Variants in SRF observed in about 807,000 individuals in gnomAD.
SRF encodes the protein serum response factor, also known as c-fos serum response element-binding transcription factor.
A neutral mutation model predicts 37.1 loss-of-function variants in SRF; 7 were observed. The observed-to-expected ratio is 0.19, with a 90% CI of 0.11 to 0.35. SRF has a LOEUF of 0.35. SRF is among the 10% of genes least tolerant of loss of function. The pLI is 1.00. For synonymous variants in SRF, 285 were observed against 310.1 expected, an observed-to-expected ratio of 0.92 and a Z score of 0.85; for missense variants, 395 against 694.4, an observed-to-expected ratio of 0.57 and a Z score of 4.85.
At position 43,179,626 on chromosome 6, in the gene SRF, C is replaced by T. The variant is rs1403150039; in HGVS notation, c.*436C>T. The T allele has an allele frequency of 4.8e-6, 1 of 206,286 alleles. No individual in the cohort carries two copies. Among genetic ancestry groups the T allele is most frequent in the Non-Finnish European group, 1.0e-5 (1 of 99,378 alleles). 12.8% of individuals were successfully genotyped at this position (206,286 alleles called of 1,614,324 possible). On this transcript the variant is annotated 3_prime_UTR_variant, in exon 7 of 7. Coordinates refer to ENST00000265354, the MANE Select transcript of SRF (RefSeq NM_003131.4). This position sits in a 1 kb window ranked among gnomAD's most constrained non-coding sequence, Gnocchi z 5.3. ...GACCCCAGGTCAGCCCTGTGTCTGT[C>T]ACAGGCTGGGTCAAAAGAGCCCTGG...
In SRF at chr6:43,172,206, G is replaced by T. The variant is rs1027703883; in HGVS notation, c.513+37G>T. 3.1e-6 allele frequency: 5 copies of T among 1,590,380 alleles called. No homozygotes were observed. Among genetic ancestry groups the T allele is most frequent in the Admixed American group, 1.8e-5 (1 of 56,564 alleles). ...GGGGGCTGGCCGGCCCCGGGGCCCGGTTGGGGTGGGGATGTGCAAAGGGAG... is the reference window on the plus strand; with the variant it reads ...GGGGGCTGGCCGGCCCCGGGGCCCGTTTGGGGTGGGGATGTGCAAAGGGAG... On this transcript the variant is annotated intron_variant, in intron 1 of 6. Coordinates refer to ENST00000265354, the MANE Select transcript of SRF (RefSeq NM_003131.4). The surrounding 1 kb of genome is among the most constrained non-coding windows in gnomAD (Gnocchi z 5.7).
At chr6:43,177,431 C>G (rs1204141179) in intron 4 of SRF, among the ~76,000 whole-genome samples, 20 of 151,226 alleles carry the variant, frequency 1.3e-4, no homozygotes, top group African/African-American at 4.9e-4. Context: ...GGGGTTTCAC[C>G]TTGTTAGCCA....
At chr6:43,174,719 T>C (rs1561999991) in intron 2 of SRF, among the ~76,000 whole-genome samples, 2 of 152,236 alleles carry the variant, frequency 1.3e-5, no homozygotes, top group South Asian at 2.1e-4. Flanking sequence ...GGCACTTAAC[T>C]GACTGGCCAA....
rs373298629 is a variant in SRF, at chr6:43,175,982, G to A, written c.1042+15G>A. 343 of 1,605,946 alleles carry A rather than the reference G, an allele frequency of 2.1e-4. 1 individual carries two copies. Among genetic ancestry groups the A allele is most frequent in the Admixed American group, 2.7e-4 (16 of 59,916 alleles). On this transcript the variant is annotated intron_variant, in intron 3 of 6. Coordinates refer to ENST00000265354, the MANE Select transcript of SRF (RefSeq NM_003131.4). The stretch of plus-strand genomic sequence containing the variant: ...CCTCATGCCTGGTGAGTCACGAGGG[G>A]CAGGGAGAGATTCGTCCTTCCTGGG...
At position 43,173,752 on chromosome 6, in the gene SRF, G is replaced by T. The variant is rs1484609496; in HGVS notation, c.514-95G>T. The T allele has an allele frequency of 6.8e-7, 1 of 1,473,902 alleles. No homozygotes were observed. Among genetic ancestry groups the T allele is most frequent in the Non-Finnish European group, 9.1e-7 (1 of 1,093,528 alleles). 91.3% of individuals were successfully genotyped at this position (1,473,902 alleles called of 1,614,324 possible). Reference sequence around the variant, plus strand: ...AGACGAAGGTCATTATGGGAATGGGGGAATGACATCACTGTATAATTCTTT... The same window carrying T: ...AGACGAAGGTCATTATGGGAATGGGTGAATGACATCACTGTATAATTCTTT... On this transcript the variant is annotated intron_variant, in intron 1 of 6. Transcript: ENST00000265354. The surrounding 1 kb of genome is among the most constrained non-coding windows in gnomAD (Gnocchi z 4.2).
Position 43,171,872 on chromosome 6 carries a change from G to C in SRF, c.216G>C (p.Ala72=). 1 of 1,340,186 alleles carries C rather than the reference G, an allele frequency of 7.5e-7. No homozygotes were observed. The highest frequency in any genetic ancestry group is 9.5e-7 in the Non-Finnish European group (1 of 1,048,268). The allele number at this position is 1,340,186 out of a possible 1,614,324, so 83.0% of individuals were successfully genotyped here. A position where few individuals can be genotyped will look rare whatever the true frequency, so the allele number is the denominator to read the frequency against. ...AAAATTPAPT[A]GALYSGSEGD... is the part of the protein sequence containing the mutation. ...CGGCAACCACCCCGGCGCCCACCGC[G>C]GGGGCCCTCTACAGCGGCAGCGAGG... is the stretch of plus-strand genomic sequence containing the variant. Residue 72 remains alanine (A), a synonymous_variant, in exon 1 of 7, where the codon GCG becomes GCC. Coordinates refer to ENST00000265354, the MANE Select transcript of SRF (RefSeq NM_003131.4). The surrounding 1 kb of genome is among the most constrained non-coding windows in gnomAD (Gnocchi z 6.5).
rs1772151356 is a variant in SRF, at chr6:43,173,928, A to G, written c.595A>G (p.Thr199Ala). Residue 199 changes from threonine to alanine, a missense_variant, in exon 2 of 7, where the codon ACC (threonine) becomes GCC (alanine). By Grantham distance (58) the Thr-to-Ala change is moderately conservative (BLOSUM62 0). Transcript: ENST00000265354. The surrounding 1 kb of genome is among the most constrained non-coding windows in gnomAD (Gnocchi z 4.2). The stretch of plus-strand genomic sequence containing the variant: ...GACAGGCCATGTGTATACCTTTGCC[A>G]CCCGAAAACTGCAGCCCATGATCAC... The part of the protein sequence containing the change: ...SETGHVYTFA[T>A]RKLQPMITSE... 1 of 1,613,906 alleles carries G rather than the reference A, an allele frequency of 6.2e-7. No individual in the cohort carries two copies. The highest frequency in any genetic ancestry group is 8.5e-7 in the Non-Finnish European group (1 of 1,180,004).
Position 43,173,963 on chromosome 6 carries a change from C to T in SRF, c.630C>T (p.Thr210=), listed in dbSNP as rs778050935. ...RKLQPMITSE[T]GKALIQTCLN... ...TGCAGCCCATGATCACCAGTGAGAC[C>T]GGCAAGGCACTGATTCAGACCTGCC... Residue 210 remains threonine, a synonymous_variant, in exon 2 of 7, where the codon ACC becomes ACT. Coordinates refer to ENST00000265354, the MANE Select transcript of SRF (RefSeq NM_003131.4). The surrounding 1 kb of genome is among the most constrained non-coding windows in gnomAD (Gnocchi z 4.2). 6.8e-6 allele frequency: 11 copies of T among 1,613,994 alleles called. No homozygotes were observed. Among genetic ancestry groups the T allele is most frequent in the Admixed American group, 3.3e-5 (2 of 60,002 alleles).
chr6:43,175,463 C>T (rs1207623792), intron 2 of SRF, among the ~76,000 whole-genome samples: 1 of 152,226 alleles, frequency 6.6e-6, no homozygotes, highest in Non-Finnish European at 1.5e-5. Flanking sequence ...AAGTGATTTA[C>T]ATATGCTAAC....
Position 43,173,833 on chromosome 6 carries a change from T to C in SRF, c.514-14T>C, listed in dbSNP as rs763747728. The stretch of plus-strand genomic sequence containing the variant: ...AAGTTTGCTGACCTGCCCATCTCCC[T>C]CCTCACCCCTCAGGCCTATGAGCTG... On this transcript the variant is annotated splice_polypyrimidine_tract_variant and intron_variant, in intron 1 of 6. Transcript: ENST00000265354. The surrounding 1 kb of genome is among the most constrained non-coding windows in gnomAD (Gnocchi z 4.2). The C allele has an allele frequency of 3.1e-6, 5 of 1,608,406 alleles. No homozygotes were observed. The highest frequency in any genetic ancestry group is 2.2e-5 in the South Asian group (2 of 90,942).
Position 43,175,942 on chromosome 6 carries a change from G to A in SRF, c.1017G>A (p.Leu339=), listed in dbSNP as rs767967535. The part of the protein sequence containing the change: ...GPVSSGGLMQ[L]PTSFTLMPGG... ...TCTCCTCTGGGGGCCTTATGCAGCT[G>A]CCTACCAGCTTCACCCTCATGCCTG... Residue 339 remains leucine, a synonymous_variant, in exon 3 of 7, where the codon CTG becomes CTA. Coordinates refer to ENST00000265354, the MANE Select transcript of SRF (RefSeq NM_003131.4). 1.2e-6 allele frequency: 2 copies of A among 1,613,578 alleles called. No individual in the cohort carries two copies. Among genetic ancestry groups the A allele is most frequent in the Admixed American group, 1.7e-5 (1 of 60,022 alleles).
Position 43,176,623 on chromosome 6 carries a change from G to A in SRF, c.1118G>A (p.Arg373His), listed in dbSNP as rs547389520. 83 of 1,614,156 alleles carry A rather than the reference G, an allele frequency of 5.1e-5. No homozygotes were observed. In the South Asian group the frequency reaches 6.4e-4, roughly 12 times the overall value. The change falls in exon 4 of 7, where the codon CGT becomes CAT. Residue 373 changes from arginine (R) to histidine (H), a missense_variant. By Grantham distance (29) the Arg-to-His change is conservative. Coordinates refer to ENST00000265354, the MANE Select transcript of SRF (RefSeq NM_003131.4). This position sits in a 1 kb window ranked among gnomAD's most constrained non-coding sequence, Gnocchi z 4.0. Reference protein sequence around the residue: ...HQAPQQASPSRDSSTDLTQTS... With the variant: ...HQAPQQASPSHDSSTDLTQTS... ...GCCCCACAGCAAGCGTCTCCCTCCCGTGACAGCAGCACAGACCTCACGCAG... is the reference window on the plus strand; with the variant it reads ...GCCCCACAGCAAGCGTCTCCCTCCCATGACAGCAGCACAGACCTCACGCAG...
Position 43,178,594 on chromosome 6 carries a change from C to A in SRF, c.1354+109C>A. 1 of 1,398,956 alleles carries A rather than the reference C, an allele frequency of 7.1e-7. No individual in the cohort carries two copies. Among genetic ancestry groups the A allele is most frequent in the Non-Finnish European group, 9.8e-7 (1 of 1,016,302 alleles). 86.7% of individuals were successfully genotyped at this position (1,398,956 alleles called of 1,614,324 possible). On this transcript the variant is annotated intron_variant, in intron 5 of 6. Coordinates refer to ENST00000265354, the MANE Select transcript of SRF (RefSeq NM_003131.4). The surrounding 1 kb of genome is among the most constrained non-coding windows in gnomAD (Gnocchi z 4.3). ...ACTGATGCCTACAAATATTTCTACCCAAATACAACACAGACTTGGATGCTC... is the reference window on the plus strand; with the variant it reads ...ACTGATGCCTACAAATATTTCTACCAAAATACAACACAGACTTGGATGCTC...
Position 43,178,544 on chromosome 6 carries a change from C to CACACACACACAT in SRF, c.1354+68_1354+69insCATACACACACA. On this transcript the variant is annotated intron_variant, in intron 5 of 6. Coordinates refer to ENST00000265354, the MANE Select transcript of SRF (RefSeq NM_003131.4). The surrounding 1 kb of genome is among the most constrained non-coding windows in gnomAD (Gnocchi z 4.3). ...CCGTTTCCTTCTTTATACACACACA[C>CACACACACACAT]ACACACACATACACACACATATGCA... 1 of 1,535,822 alleles carries CACACACACACAT rather than the reference C, an allele frequency of 6.5e-7. No individual in the cohort carries two copies. Among genetic ancestry groups the CACACACACACAT allele is most frequent in the South Asian group, 1.2e-5 (1 of 85,378 alleles).
Position 43,171,741 on chromosome 6 carries a change from C to A in SRF, c.85C>A (p.Arg29=). 1.7e-6 allele frequency: 2 copies of A among 1,201,844 alleles called. No individual in the cohort carries two copies. Among genetic ancestry groups the A allele is most frequent in the Non-Finnish European group, 2.1e-6 (2 of 968,442 alleles). The allele number at this position is 1,201,844 out of a possible 1,614,324, so 74.4% of individuals were successfully genotyped here. Residue 29 remains arginine (R), a synonymous_variant, in exon 1 of 7, where the codon CGG becomes AGG. Transcript: ENST00000265354. This position sits in a 1 kb window ranked among gnomAD's most constrained non-coding sequence, Gnocchi z 6.5. ...CAGCCTGAACCGGACCCCGACGGGG[C>A]GGCCGGGCGGCGGCGGCGGGACACG... ...GGSLNRTPTG[R]PGGGGGTRGA...
Position 43,176,550 on chromosome 6 carries a change from G to C in SRF, c.1045G>C (p.Gly349Arg). The C allele has an allele frequency of 6.2e-7, 1 of 1,614,092 alleles. No individual in the cohort carries two copies. Among genetic ancestry groups the C allele is most frequent in the Non-Finnish European group, 8.5e-7 (1 of 1,179,976 alleles). ...AAATAAGACTCTGTGTCTTGCAGGT[G>C]GGGCAGTGGCCCAGCAGGTCCCAGT... The part of the protein sequence containing the change: ...LPTSFTLMPG[G>R]AVAQQVPVQA... The change falls in exon 4 of 7, where the codon GGG (glycine) becomes CGG (arginine). Residue 349 changes from glycine (G) to arginine (R), a missense_variant and splice_region_variant. This residue lies in a region of SRF where 232 missense variants were observed against 335.6 expected (regional missense o/e 0.69). Coordinates refer to ENST00000265354, the MANE Select transcript of SRF (RefSeq NM_003131.4). The surrounding 1 kb of genome is among the most constrained non-coding windows in gnomAD (Gnocchi z 4.0).
chr6:43,177,228 G>GTTCTTTTTTTTTT (rs1772214599), intron 4 of SRF, among the ~76,000 whole-genome samples: 1 of 116,848 alleles, frequency 8.6e-6, no homozygotes, highest in African/African-American at 3.8e-5. Flanking sequence ...ATCGGAGTCT[G>GTTCTTTTTTTTTT]TTTTTTTTTT....
At position 43,176,008 on chromosome 6, in the gene SRF, GC is replaced by G; in HGVS notation, c.1042+42del. 6.3e-7 allele frequency: 1 copy of G among 1,596,440 alleles called. No individual in the cohort carries two copies. The highest frequency in any genetic ancestry group is 8.5e-7 in the Non-Finnish European group (1 of 1,173,004). On this transcript the variant is annotated intron_variant, in intron 3 of 6. Transcript: ENST00000265354. This position sits in a 1 kb window ranked among gnomAD's most constrained non-coding sequence, Gnocchi z 4.0. ...CAGGGAGAGATTCGTCCTTCCTGGGGCAAATCAAGCATGCTAAGAGTGTGTT... is the reference window on the plus strand; with the variant it reads ...CAGGGAGAGATTCGTCCTTCCTGGGGAAATCAAGCATGCTAAGAGTGTGTT...
chr6:43,179,469 G>T lies in SRF; in HGVS notation c.*279G>T, dbSNP rs73736723. 4.1e-6 allele frequency: 2 copies of T among 492,958 alleles called. No homozygotes were observed. The highest frequency in any genetic ancestry group is 2.0e-5 in the South Asian group (1 of 48,932). 30.5% of individuals were successfully genotyped at this position (492,958 alleles called of 1,614,324 possible). ...TGGGACCCCCTCGCCAGCTTGGCTCGATGTTTGCCATGAGTATTAGCTTAC... is the reference window on the plus strand; with the variant it reads ...TGGGACCCCCTCGCCAGCTTGGCTCTATGTTTGCCATGAGTATTAGCTTAC... On this transcript the variant is annotated 3_prime_UTR_variant, in exon 7 of 7. Coordinates refer to ENST00000265354, the MANE Select transcript of SRF (RefSeq NM_003131.4). The surrounding 1 kb of genome is among the most constrained non-coding windows in gnomAD (Gnocchi z 5.3).
Sources: allele counts gnomAD v4.1 joint callset (sites outside exome capture counted in the v4.1 genomes callset), GRCh38; gene constraint gnomAD v4.1.1; regional missense constraint gnomAD v4.1.1; non-coding constraint Gnocchi (gnomAD v3.1); transcripts MANE v1.5; gene names NCBI Gene and HGNC (gene_info 2026-07-23, HGNC 2026-07-21).